Variants in P2RX4 observed in about 807,000 individuals in gnomAD.
The protein encoded by P2RX4 is P2X purinoceptor 4.
In P2RX4, 37 loss-of-function variants were observed where a neutral mutation model predicts 48.0. The ratio of observed to expected loss-of-function variants is 0.77; its 90% confidence interval spans 0.59 to 1.01. The LOEUF (loss-of-function observed/expected upper bound fraction) is 1.01, where lower values mean the gene tolerates loss of function less well. Among genes scored for constraint, P2RX4 ranks in the 50% least tolerant of loss-of-function variants. The pLI, the probability that P2RX4 is intolerant of heterozygous loss-of-function variation, is 0.00. For missense variants in P2RX4, 501 were observed against 521.4 expected, an observed-to-expected ratio of 0.96 and a Z score of 0.38; for synonymous variants, 200 against 199.7, an observed-to-expected ratio of 1.00 and a Z score of -0.01.
At chr12:121,227,057 G>A (rs866931841) in intron 5 of P2RX4, among the ~76,000 whole-genome samples, 3 of 151,804 alleles carry the variant, frequency 2.0e-5, no homozygotes, top group Non-Finnish European at 2.9e-5. Context: ...GCAGTGAGCC[G>A]AGATCGCGGC....
Position 121,210,199 on chromosome 12 carries a change from T to G in P2RX4, c.35T>G (p.Leu12Arg). 6.5e-7 allele frequency: 1 copy of G among 1,546,988 alleles called. No individual in the cohort carries two copies. Among genetic ancestry groups the G allele is most frequent in the Non-Finnish European group, 8.7e-7 (1 of 1,152,680 alleles). ...TGCTGCGCCGCGCTGGCGGCCTTCCTGTTCGAGTACGACACGCCGCGCATC... is the reference window on the plus strand; with the variant it reads ...TGCTGCGCCGCGCTGGCGGCCTTCCGGTTCGAGTACGACACGCCGCGCATC... ...AGCCAALAAF[L>R]FEYDTPRIVL... The change falls in exon 1 of 12, where the codon CTG becomes CGG. Residue 12 changes from leucine (L) to arginine (R), a missense_variant. Around this residue, in one of 3 missense-constraint regions of P2RX4, gnomAD observed 295 missense variants for 275.3 expected, o/e 1.07. Coordinates refer to ENST00000337233, the MANE Select transcript of P2RX4 (RefSeq NM_002560.3).
Position 121,223,059 on chromosome 12 carries a change from G to C in P2RX4, c.524+16G>C, listed in dbSNP as rs1566005211. 1 of 1,534,564 alleles carries C rather than the reference G, an allele frequency of 6.5e-7. No homozygotes were observed. Among genetic ancestry groups the C allele is most frequent in the South Asian group, 1.1e-5 (1 of 89,176 alleles). ...ACGTGCCACAGTGAGTCCAGCCCTA[G>C]GGAAGGAAGTGCCTTTTTGTTTTGT... On this transcript the variant is annotated intron_variant, in intron 5 of 11. Coordinates refer to ENST00000337233, the MANE Select transcript of P2RX4 (RefSeq NM_002560.3).
intron 2 of P2RX4, among the ~76,000 whole-genome samples, chr12:121,217,706 C>T (rs1031921237): frequency 6.7e-6 from 1 of 148,996 alleles, no homozygotes; most frequent in Non-Finnish European, 1.5e-5. Context: ...CGGGCAGATA[C>T]CTTGAGCCCA....
rs1466342585 is a variant in P2RX4 at position 121,217,428 on chromosome 12, G to C, written c.282+147G>C. 5.9e-6 allele frequency: 5 copies of C among 840,702 alleles called. No individual in the cohort carries two copies. In the African/African-American group the frequency reaches 8.4e-5, roughly 14 times the overall value. The allele number at this position is 840,702 out of a possible 1,614,324, so 52.1% of individuals were successfully genotyped here. ...TTAGTCCAAGAAAACGGTGCAGCCA[G>C]ATCTCTTTTCAGCTTAGGATCTAAC... On this transcript the variant is annotated intron_variant, in intron 2 of 11. Coordinates refer to ENST00000337233, the MANE Select transcript of P2RX4 (RefSeq NM_002560.3).
At chr12:121,228,440 CATAT>C (rs1430056528) in intron 5 of P2RX4, 89 bp from the exon 6 acceptor site, 2 of 559,982 alleles carry the variant, frequency 3.6e-6, no homozygotes, top group Non-Finnish European at 6.1e-6. Context: ...ACACACAATA[CATAT>C]ATATATGTGT....
intron 5 of P2RX4, among the ~76,000 whole-genome samples, chr12:121,224,594 T>A (rs952172466): frequency 6.6e-6 from 1 of 151,850 alleles, no homozygotes; most frequent in Non-Finnish European, 1.5e-5. Context: ...AGAGAGAGAC[T>A]CTGTCTCAAA....
chr12:121,216,696 T>C, intron 1 of P2RX4: 1 of 419,554 alleles, frequency 2.4e-6, no homozygotes, highest in Non-Finnish European at 4.4e-6. Flanking sequence ...GGCGCATGCC[T>C]GTAATCCCAG....
At chr12:121,215,191 G>GTACT (rs1806497623) in intron 1 of P2RX4, 2 of 152,180 alleles carry the variant, frequency 1.3e-5, no homozygotes, top group Non-Finnish European at 2.9e-5. Flanking sequence ...CACGGTGTCA[G>GTACT]TACTTGCTCT....
chr12:121,227,995 T>G (rs1006047234), intron 5 of P2RX4, among the ~76,000 whole-genome samples: 5 of 151,426 alleles, frequency 3.3e-5, no homozygotes, highest in African/African-American at 1.2e-4. Context: ...CTTGAGAGGC[T>G]GAGGTGGGAG....
intron 2 of P2RX4, among the ~76,000 whole-genome samples, chr12:121,221,262 C>T (rs1248370705): frequency 2.6e-5 from 4 of 152,016 alleles, no homozygotes; most frequent in Admixed American, 2.0e-4. Flanking sequence ...AGGTGATCCT[C>T]CTGCCTCAGC....
rs372211683 is a variant in P2RX4 at position 121,231,708 on chromosome 12, T to TTTG, written c.885-687_885-685dup. ...TCTGTGTGACGAACGAGTGGTTCTT[T>TTTG]TTGTTGTTGTTGTTGTTGTTGAAGA... On this transcript the variant is annotated intron_variant, in intron 8 of 11. Transcript: ENST00000337233. Among the ~76,000 whole-genome samples, 461 of 152,148 alleles carry TTTG rather than the reference T, an allele frequency of 3.0e-3. 1 individual carries two copies. The highest frequency in any genetic ancestry group is 9.5e-3 in the African/African-American group (393 of 41,504).
chr12:121,219,784 T>C (rs997614052), intron 2 of P2RX4, among the ~76,000 whole-genome samples: 4 of 151,808 alleles, frequency 2.6e-5, no homozygotes, highest in Non-Finnish European at 5.9e-5. Context: ...AGATAGGTGA[T>C]AGATAATCGA....
At chr12:121,233,340 T>A in intron 11 of P2RX4, 183 bp from the exon 12 acceptor site, 1 of 668,306 alleles carries the variant, frequency 1.5e-6, no homozygotes, top group Non-Finnish European at 2.7e-6. Context: ...TGATAATGCA[T>A]GCTCTGAGAA....
chr12:121,212,219 A>G (rs1382560756), intron 1 of P2RX4, among the ~76,000 whole-genome samples: 1 of 152,202 alleles, frequency 6.6e-6, no homozygotes, highest in Non-Finnish European at 1.5e-5. Flanking sequence ...CAGCAGCAGC[A>G]GTAGATACAG....
At chr12:121,223,187 G>T in intron 5 of P2RX4, 144 bp downstream of exon 5, 1 of 637,022 alleles carries the variant, frequency 1.6e-6, no homozygotes, top group Non-Finnish European at 2.9e-6. Context: ...GATTTTCTGT[G>T]CCTCAGCCTC....
At chr12:121,223,105 A>G (rs1886750532) in intron 5 of P2RX4, 62 bp downstream of exon 5, 1 of 1,051,548 alleles carries the variant, frequency 9.5e-7, no homozygotes, top group Admixed American at 1.9e-5. Context: ...ACACAGTTTC[A>G]CTCTGTATCC....
chr12:121,227,922 C>CA (rs935103629), intron 5 of P2RX4, among the ~76,000 whole-genome samples: 2,157 of 71,512 alleles, frequency 0.03, 43 homozygotes, highest in African/African-American at 0.086. Flanking sequence ...TTCATGTCTA[C>CA]AAAAAAAAAA....
At chr12:121,210,609 G>C (rs759835927) in intron 1 of P2RX4, among the ~76,000 whole-genome samples, 2 of 152,164 alleles carry the variant, frequency 1.3e-5, no homozygotes, top group Non-Finnish European at 2.9e-5. Context: ...GTGGGACCCC[G>C]TCTCTGCAAA....
chr12:121,212,826 T>TTA (rs1885975768), intron 1 of P2RX4: 1 of 81,428 alleles, frequency 1.2e-5, no homozygotes, highest in Admixed American at 1.1e-4. Flanking sequence ...ATATATATAT[T>TTA]TTTTTTTTTT....
Sources: gnomAD v4.1 joint callset for allele counts (sites outside exome capture counted in the v4.1 genomes callset) on GRCh38, gnomAD v4.1.1 for gene constraint, gnomAD v4.1.1 regional missense constraint, MANE v1.5 for transcripts, NCBI Gene and HGNC (gene_info 2026-07-23, HGNC 2026-07-21) for gene names.